Variants in NELL1 observed in about 807,000 individuals in gnomAD.
NELL1 encodes neural EGFL like 1.
NELL1 carries 76 observed loss-of-function variants against 107.4 expected under a neutral mutation model. The observed-to-expected ratio is 0.71, with a 90% CI of 0.59 to 0.86. The LOEUF is 0.86. NELL1 is among the 40% of genes least tolerant of loss of function. The pLI is 0.00. For synonymous variants in NELL1, 353 were observed against 341.2 expected (o/e 1.03, Z -0.38); for missense variants, 1,024 against 1,005.5 (o/e 1.02, Z -0.25).
intron 17 of NELL1, among the ~76,000 whole-genome samples, chr11:21,562,657 T>C (rs574153025): frequency 1.3e-5 from 2 of 152,184 alleles, no homozygotes; most frequent in African/African-American, 4.8e-5. Context: ...CACATCCAAA[T>C]GGGTGACTAT....
At chr11:21,515,700 G>A (rs768060762) in intron 15 of NELL1, among the ~76,000 whole-genome samples, 2 of 152,156 alleles carry the variant, frequency 1.3e-5, no homozygotes, top group Non-Finnish European at 2.9e-5. Flanking sequence ...CCTGCCCTAA[G>A]GGATAGTTGT....
chr11:21,024,030 C>CA (rs561539068), intron 12 of NELL1, among the ~76,000 whole-genome samples: 54 of 152,038 alleles, frequency 3.6e-4, no homozygotes, highest in African/African-American at 1.3e-3. Context: ...AAGCTTCTTA[C>CA]AAAAGCCTTG....
intron 15 of NELL1, among the ~76,000 whole-genome samples, chr11:21,424,325 A>G (rs1274835280): frequency 6.6e-6 from 1 of 152,148 alleles, no homozygotes; most frequent in Non-Finnish European, 1.5e-5. Flanking sequence ...ATAGGAGAGT[A>G]CTGTATGCCA....
intron 2 of NELL1, among the ~76,000 whole-genome samples, chr11:20,678,707 G>A (rs1370588071): frequency 6.6e-6 from 1 of 152,146 alleles, no homozygotes; most frequent in Non-Finnish European, 1.5e-5. Context: ...CCTGTGGAAT[G>A]CTGTGTCCTC....
chr11:21,246,790 T>C (rs986361988), intron 14 of NELL1, among the ~76,000 whole-genome samples: 4 of 152,154 alleles, frequency 2.6e-5, no homozygotes, highest in African/African-American at 9.6e-5. Context: ...TCCACGTGGC[T>C]GAGGAGGCCT....
intron 9 of NELL1, among the ~76,000 whole-genome samples, chr11:20,933,186 G>A (rs1196267345): frequency 2.0e-5 from 3 of 152,246 alleles, no homozygotes; most frequent in African/African-American, 7.2e-5. Flanking sequence ...GCATATTCCA[G>A]GTGGAGGTGT....
At chr11:21,079,415 T>C (rs1854213434) in intron 12 of NELL1, among the ~76,000 whole-genome samples, 1 of 151,984 alleles carries the variant, frequency 6.6e-6, no homozygotes, top group South Asian at 2.1e-4. Context: ...ATCTCAAAAT[T>C]TGTACCCTAT....
intron 3 of NELL1, among the ~76,000 whole-genome samples, chr11:20,834,781 T>C (rs112649108): frequency 1.6e-4 from 24 of 152,114 alleles, no homozygotes; most frequent in Middle Eastern, 6.8e-3. Flanking sequence ...GCCACTGATA[T>C]GATGCACTTT....
intron 18 of NELL1, among the ~76,000 whole-genome samples, chr11:21,572,288 CA>C (rs969183809): frequency 6.6e-6 from 1 of 151,738 alleles, no homozygotes; most frequent in Non-Finnish European, 1.5e-5. Flanking sequence ...GAATATTTCT[CA>C]GGAAAATTGA....
intron 11 of NELL1, among the ~76,000 whole-genome samples, chr11:20,959,165 A>G (rs1287063289): frequency 6.6e-6 from 1 of 152,218 alleles, no homozygotes; most frequent in Non-Finnish European, 1.5e-5. Flanking sequence ...ACTAAAAATA[A>G]AATGGATGTT....
In NELL1 at chr11:21,044,689, G is replaced by C. The variant is rs561585582; in HGVS notation, c.1301-68900G>C. Among the ~76,000 whole-genome samples, 185 of 152,280 alleles carry C rather than the reference G, an allele frequency of 1.2e-3. 2 individuals carry two copies. Among genetic ancestry groups the C allele is most frequent in the Non-Finnish European group, 2.1e-3 (145 of 68,016 alleles). ...TGCCCACTGATAGGGGAATGGACAT[G>C]CCTTTTTTTCTTAACAAGAAGTAAA... is the stretch of plus-strand genomic sequence containing the variant. On this transcript the variant is annotated intron_variant, in intron 12 of 19. Coordinates refer to ENST00000357134, the MANE Select transcript of NELL1 (RefSeq NM_006157.5).
chr11:21,281,084 G>A (rs970695835), intron 14 of NELL1, among the ~76,000 whole-genome samples: 2 of 151,422 alleles, frequency 1.3e-5, no homozygotes, highest in Non-Finnish European at 2.9e-5. Context: ...AGAGTGGGGA[G>A]GACTTTGTCT....
intron 3 of NELL1, among the ~76,000 whole-genome samples, chr11:20,827,958 T>C (rs1221016171): frequency 2.0e-5 from 3 of 151,316 alleles, no homozygotes; most frequent in African/African-American, 7.3e-5. Flanking sequence ...GACTCTATGC[T>C]ACCTACTCCC....
At chr11:21,519,463 T>G (rs113230993) in intron 15 of NELL1, among the ~76,000 whole-genome samples, 281 of 152,278 alleles carry the variant, frequency 1.8e-3, no homozygotes, top group African/African-American at 6.6e-3. Context: ...AACCACTGAT[T>G]GAGACCAACA....
chr11:21,341,492 G>C (rs1226506247), intron 14 of NELL1, among the ~76,000 whole-genome samples: 1 of 152,182 alleles, frequency 6.6e-6, no homozygotes, highest in Non-Finnish European at 1.5e-5. Context: ...CCTCATGTTG[G>C]TAATTCAAAG....
chr11:21,526,065 C>A (rs910400665), intron 15 of NELL1, among the ~76,000 whole-genome samples: 2 of 152,162 alleles, frequency 1.3e-5, no homozygotes, highest in African/African-American at 4.8e-5. Context: ...CAAGGCAAGC[C>A]TCTTCCACCT....
chr11:20,836,532 A>G (rs1848537629), intron 3 of NELL1, among the ~76,000 whole-genome samples: 1 of 152,160 alleles, frequency 6.6e-6, no homozygotes, highest in African/African-American at 2.4e-5. Flanking sequence ...AAGTAAATGG[A>G]TAAACTGTGG....
At chr11:20,916,717 T>C (rs1378421654) in intron 5 of NELL1, among the ~76,000 whole-genome samples, 1 of 151,894 alleles carries the variant, frequency 6.6e-6, no homozygotes, top group African/African-American at 2.4e-5. Context: ...TGGAAATCTA[T>C]AGTTTTGTCT....
intron 15 of NELL1, among the ~76,000 whole-genome samples, chr11:21,480,330 C>T (rs1365481460): frequency 6.6e-6 from 1 of 152,094 alleles, no homozygotes; most frequent in Non-Finnish European, 1.5e-5. Context: ...AATTGTCTCT[C>T]TGTTCTTATT....
Sources: allele counts gnomAD v4.1 joint callset (sites outside exome capture counted in the v4.1 genomes callset), GRCh38; gene constraint gnomAD v4.1.1; transcripts MANE v1.5; gene names NCBI Gene and HGNC (gene_info 2026-07-23, HGNC 2026-07-21).